Variants in IGSF3 observed in about 807,000 individuals in gnomAD.
IGSF3 encodes immunoglobulin superfamily member 3.
Under a neutral mutation model 114.4 loss-of-function variants are expected in IGSF3, and 23 were observed. The ratio of observed to expected loss-of-function variants is 0.20; its 90% CI spans 0.14 to 0.28. IGSF3 has a LOEUF of 0.28. Among genes scored for constraint, IGSF3 ranks in the 10% least tolerant of loss-of-function variants. The pLI, the probability that IGSF3 is intolerant of heterozygous loss-of-function variation, is 1.00. For missense variants in IGSF3, 1,172 were observed against 1,591.5 expected (o/e 0.74, Z 4.48); for synonymous variants, 571 against 645.2 (o/e 0.88, Z 1.74).
chr1:116,603,963 G>A lies in IGSF3; in HGVS notation c.1285C>T (p.Arg429Cys), dbSNP rs968366784. 1.5e-5 allele frequency: 24 copies of A among 1,613,154 alleles called. No individual in the cohort carries two copies. The highest frequency in any genetic ancestry group is 2.2e-5 in the South Asian group (2 of 91,080). The change falls in exon 6 of 11, where the codon CGC becomes TGC. Residue 429 changes from arginine to cysteine, a missense_variant. Physicochemically the swap from Arg to Cys is radical, Grantham distance 180. Coordinates refer to ENST00000369486, the MANE Select transcript of IGSF3 (RefSeq NM_001007237.3). This position sits in a 1 kb window ranked among gnomAD's most constrained non-coding sequence, Gnocchi z 7.1. ...ASVILEGEDL[R>C]FSCSVRTAGR... ...GCCGTGCGGACACTGCAGGAGAAGC[G>A]CAGGTCCTCGCCCTCAAGGATGACG...
chr1:116,609,882 C>T lies in IGSF3; in HGVS notation c.833-1551G>A, dbSNP rs528876343. 4.3e-4 allele frequency among the ~76,000 whole-genome samples: 65 copies of T among 152,284 alleles called. No homozygotes were observed. The South Asian group carries it at 5.4e-3, about 13-fold the overall frequency. Reference sequence around the variant, plus strand: ...AGCCCCAGCTCAGCTTTACCCCTCCCGCTCCTCAGGCTCTCCAGCCCCTCC... The same window carrying T: ...AGCCCCAGCTCAGCTTTACCCCTCCTGCTCCTCAGGCTCTCCAGCCCCTCC... On this transcript the variant is annotated intron_variant, in intron 4 of 10. Coordinates refer to ENST00000369486, the MANE Select transcript of IGSF3 (RefSeq NM_001007237.3).
At position 116,629,455 on chromosome 1, in the gene IGSF3, T is replaced by C. The variant is rs1264521185; in HGVS notation, c.44-12998A>G. 6.6e-6 allele frequency among the ~76,000 whole-genome samples: 1 copy of C among 152,158 alleles called. No individual in the cohort carries two copies. The highest frequency in any genetic ancestry group is 1.9e-4 in the East Asian group (1 of 5,190). ...GCTTCATAATTAGGACCAACAGTCA[T>C]AAGCAATTTCTCAGACCACCTGCCT... On this transcript the variant is annotated intron_variant, in intron 2 of 10. Transcript: ENST00000369486. The surrounding 1 kb of genome is among the most constrained non-coding windows in gnomAD (Gnocchi z 4.3).
intron 5 of IGSF3, among the ~76,000 whole-genome samples, chr1:116,606,190 C>T (rs1403415762): frequency 6.6e-6 from 1 of 152,212 alleles, no homozygotes; most frequent in Non-Finnish European, 1.5e-5. Context: ...AGGAAGTTGA[C>T]GGTGTAGCAC....
Position 116,590,066 on chromosome 1 carries a change from G to C in IGSF3, c.2030-962C>G, listed in dbSNP as rs190479467. Among the ~76,000 whole-genome samples, 8 of 152,168 alleles carry C rather than the reference G, an allele frequency of 5.3e-5. No homozygotes were observed. The South Asian group carries it at 6.2e-4, about 12-fold the overall frequency. ...GGTAATTAGAGGATGCTGCGGGCGG[G>C]GGGAGAGGGGGCTTCCTCTGGGGGA... On this transcript the variant is annotated intron_variant, in intron 7 of 10. Transcript: ENST00000369486.
In IGSF3 at chr1:116,579,675, C is replaced by CTCT. The variant is rs2101294174; in HGVS notation, c.3050_3051insAGA (p.Glu1019dup). 6.2e-7 allele frequency: 1 copy of CTCT among 1,612,190 alleles called. No individual in the cohort carries two copies. The highest frequency in any genetic ancestry group is 8.5e-7 in the Non-Finnish European group (1 of 1,178,448). ...CGTCGTCGTCGTCGTCGTCCTCCTCCTCCTCCTCCTCCCTTTCCTCTTCCT... is the reference window on the plus strand; with the variant it reads ...CGTCGTCGTCGTCGTCGTCCTCCTCCTCTTCCTCCTCCTCCCTTTCCTCTTCCT... On this transcript the variant is annotated inframe_insertion, in exon 10 of 11. Coordinates refer to ENST00000369486, the MANE Select transcript of IGSF3 (RefSeq NM_001007237.3). This position sits in a 1 kb window ranked among gnomAD's most constrained non-coding sequence, Gnocchi z 6.4.
intron 2 of IGSF3, among the ~76,000 whole-genome samples, chr1:116,658,451 GCTC>G (rs1006926484): frequency 1.5e-4 from 23 of 151,930 alleles, no homozygotes; most frequent in African/African-American, 5.6e-4. Flanking sequence ...GCCATTCCTG[GCTC>G]CTCCTCTCAG....
At chr1:116,630,616 G>A (rs1257751034) in intron 2 of IGSF3, among the ~76,000 whole-genome samples, 1 of 152,132 alleles carries the variant, frequency 6.6e-6, no homozygotes, top group African/African-American at 2.4e-5. Flanking sequence ...TCTCCTCTTT[G>A]CTGGACACTG....
chr1:116,611,308 A>C (rs1331337810), intron 4 of IGSF3, among the ~76,000 whole-genome samples: 2 of 152,164 alleles, frequency 1.3e-5, no homozygotes, highest in African/African-American at 4.8e-5. Flanking sequence ...TTCATACAAA[A>C]TCTTCTGCTG....
At chr1:116,591,196 G>A (rs1035180301) in intron 7 of IGSF3, among the ~76,000 whole-genome samples, 12 of 152,184 alleles carry the variant, frequency 7.9e-5, no homozygotes, top group Non-Finnish European at 1.0e-4. Context: ...ATTTGCATTC[G>A]CTTGCCAGTC....
At chr1:116,637,999 A>G (rs1455448546) in intron 2 of IGSF3, among the ~76,000 whole-genome samples, 1 of 152,178 alleles carries the variant, frequency 6.6e-6, no homozygotes, top group East Asian at 1.9e-4. Context: ...CCTGCCTATA[A>G]GTATATCGGA....
At chr1:116,641,906 G>A (rs556365206) in intron 2 of IGSF3, among the ~76,000 whole-genome samples, 4 of 151,562 alleles carry the variant, frequency 2.6e-5, no homozygotes, top group African/African-American at 9.7e-5. Flanking sequence ...TGGAGTGCAG[G>A]GGTATAATAA....
rs1660849674 is a variant in IGSF3 at position 116,607,875 on chromosome 1, TC to T, written c.1222+66del. On this transcript the variant is annotated intron_variant, in intron 5 of 10. Coordinates refer to ENST00000369486, the MANE Select transcript of IGSF3 (RefSeq NM_001007237.3). The surrounding 1 kb of genome is among the most constrained non-coding windows in gnomAD (Gnocchi z 6.1). ...CCCTCACCTTCACCACGCTATTCTC[TC>T]TCCCCCTACCTCTCCTAAATGATGC... is the stretch of plus-strand genomic sequence containing the variant. 6.7e-7 allele frequency: 1 copy of T among 1,488,788 alleles called. No homozygotes were observed. The highest frequency in any genetic ancestry group is 9.2e-7 in the Non-Finnish European group (1 of 1,082,766). 92.2% of individuals were successfully genotyped at this position (1,488,788 alleles called of 1,614,324 possible).
At position 116,666,293 on chromosome 1, in the gene IGSF3, C is replaced by A. The variant is rs1649329727; in HGVS notation, c.34G>T (p.Ala12Ser). The part of the protein sequence containing the change: ...KCFFPVLSCL[A>S]VLGVVSAQRQ... ...AAGCAGAGCCACTTACCCAGCACAG[C>A]CAGACAGCTCAGCACCGGGAAAAAG... The change falls in exon 2 of 11, where the codon GCT (alanine) becomes TCT (serine). Residue 12 changes from alanine to serine, a missense_variant. Transcript: ENST00000369486. 1.2e-6 allele frequency: 2 copies of A among 1,613,966 alleles called. No homozygotes were observed. Among genetic ancestry groups the A allele is most frequent in the East Asian group, 2.2e-5 (1 of 44,900 alleles).
rs1200844105 is a variant in IGSF3, at chr1:116,628,641, C to T, written c.44-12184G>A. ...TACTCATAAAGCATGAACATCTACA[C>T]GTAACTAAAAATAAATACTGAGAGC... is the stretch of plus-strand genomic sequence containing the variant. On this transcript the variant is annotated intron_variant, in intron 2 of 10. Transcript: ENST00000369486. This position sits in a 1 kb window ranked among gnomAD's most constrained non-coding sequence, Gnocchi z 4.2. 2.0e-5 allele frequency among the ~76,000 whole-genome samples: 3 copies of T among 152,132 alleles called. No homozygotes were observed. The highest frequency in any genetic ancestry group is 2.9e-5 in the Non-Finnish European group (2 of 68,034).
intron 7 of IGSF3, among the ~76,000 whole-genome samples, chr1:116,590,471 G>A (rs1185962005): frequency 3.9e-5 from 6 of 151,916 alleles, no homozygotes; most frequent in South Asian, 2.1e-4. Flanking sequence ...TAGTTTTTCC[G>A]CCACAGGGAC....
At chr1:116,619,610 CCA>C (rs1661344762) in intron 2 of IGSF3, among the ~76,000 whole-genome samples, 3 of 152,236 alleles carry the variant, frequency 2.0e-5, no homozygotes, top group Admixed American at 6.5e-5. Flanking sequence ...TCCACACATC[CCA>C]CCCCACCATT....
In IGSF3 at chr1:116,666,270, G is replaced by C. The variant is rs1309001116; in HGVS notation, c.43+14C>G. ...ACTTTCACATCGATTGCACTGATAA[G>C]CAGAGCCACTTACCCAGCACAGCCA... On this transcript the variant is annotated intron_variant, in intron 2 of 10. Transcript: ENST00000369486. 1.2e-6 allele frequency: 2 copies of C among 1,612,786 alleles called. No homozygotes were observed. The highest frequency in any genetic ancestry group is 1.7e-6 in the Non-Finnish European group (2 of 1,178,792).
intron 2 of IGSF3, among the ~76,000 whole-genome samples, chr1:116,641,130 G>A (rs1648075346): frequency 6.6e-6 from 1 of 152,198 alleles, no homozygotes; most frequent in African/African-American, 2.4e-5. Context: ...GTTGGAACTA[G>A]GTGGTGAGTG....
intron 7 of IGSF3, among the ~76,000 whole-genome samples, chr1:116,590,924 C>G (rs549540931): frequency 6.6e-6 from 1 of 152,374 alleles, no homozygotes; most frequent in African/African-American, 2.4e-5. Context: ...TGCGGAGCAT[C>G]TCCCGCAGTA....
Sources: allele counts gnomAD v4.1 joint callset (sites outside exome capture counted in the v4.1 genomes callset), GRCh38; gene constraint gnomAD v4.1.1; non-coding constraint Gnocchi (gnomAD v3.1); transcripts MANE v1.5; gene names NCBI Gene and HGNC (gene_info 2026-07-23, HGNC 2026-07-21).